SVIL: variants seen among roughly 807,000 people sequenced by gnomAD.
The protein encoded by SVIL is supervillin.
A neutral mutation model predicts 240.4 loss-of-function variants in SVIL; 101 were observed. The ratio of observed to expected loss-of-function variants is 0.42; its 90% CI spans 0.36 to 0.50. The LOEUF is 0.50. Among genes scored for constraint, SVIL ranks in the 20% least tolerant of loss-of-function variants. The pLI, the probability that SVIL is intolerant of heterozygous loss-of-function variation, is 0.01. For synonymous variants in SVIL, 999 were observed against 1,100.0 expected (o/e 0.91, Z 1.82); for missense variants, 2,512 against 2,818.7 (o/e 0.89, Z 2.46).
chr10:29,505,268 G>A (rs1409669303), intron 17 of SVIL, among the ~76,000 whole-genome samples: 3 of 152,152 alleles, frequency 2.0e-5, no homozygotes, highest in Non-Finnish European at 2.9e-5. Flanking sequence ...GGAGGTTGCG[G>A]TGAGCTAAGA....
intron 6 of SVIL, among the ~76,000 whole-genome samples, chr10:29,540,194 G>C (rs10826653): frequency 0.49 from 73,930 of 151,858 alleles, 18,074 homozygotes; most frequent in Admixed American, 0.55. Flanking sequence ...TATCAAGTAG[G>C]GCAAACCCCA....
At chr10:29,711,738 T>A (rs1172689776) in intron 1 of SVIL, among the ~76,000 whole-genome samples, 1 of 150,634 alleles carries the variant, frequency 6.6e-6, no homozygotes, top group African/African-American at 2.4e-5. Flanking sequence ...CCAGCCTGGG[T>A]GACACAAAGT....
chr10:29,524,491 G>A lies in SVIL; in HGVS notation c.2567C>T (p.Thr856Ile). The change falls in exon 14 of 38, where the codon ACA becomes ATA. Residue 856 changes from threonine to isoleucine, a missense_variant. Thr to Ile is a moderately conservative substitution (Grantham distance 89). Around this residue, in one of 3 missense-constraint regions of SVIL, gnomAD observed 1,443 missense variants for 1,486.6 expected, o/e 0.97. Transcript: ENST00000355867. ...MNARYQTQPV[T>I]LGEVEQVQSG... ...ACCCACCTGCTCCACCTCTCCCAGT[G>A]TGACTGGCTGAGTTTGATAGCGAGC... 6.2e-7 allele frequency: 1 copy of A among 1,614,180 alleles called. No homozygotes were observed. Among genetic ancestry groups the A allele is most frequent in the East Asian group, 2.2e-5 (1 of 44,868 alleles).
chr10:29,709,691 T>C (rs1963144098), intron 1 of SVIL, among the ~76,000 whole-genome samples: 1 of 152,188 alleles, frequency 6.6e-6, no homozygotes, highest in South Asian at 2.1e-4. Flanking sequence ...GGCAGCACCC[T>C]GCAGGTGGTT....
At chr10:29,608,851 C>T (rs1291665108) in intron 1 of SVIL, among the ~76,000 whole-genome samples, 1 of 152,212 alleles carries the variant, frequency 6.6e-6, no homozygotes, top group Non-Finnish European at 1.5e-5. Context: ...ACCTTTAAGC[C>T]AGGGATGGCC....
chr10:29,509,358 A>AGAGAGAGAGGAG (rs1554828022), intron 17 of SVIL, among the ~76,000 whole-genome samples: 1 of 128,764 alleles, frequency 7.8e-6, no homozygotes, highest in Non-Finnish European at 1.7e-5. Flanking sequence ...AGAGAGAGAG[A>AGAGAGAGAGGAG]GAGAGAGAGA....
chr10:29,717,232 CAAAAAAAAAAA>C (rs71023503), intron 1 of SVIL, among the ~76,000 whole-genome samples: 46 of 38,326 alleles, frequency 1.2e-3, no homozygotes, highest in African/African-American at 3.4e-3. Context: ...GACTCTCTCT[CAAAAAAAAAAA>C]AAAAAAAAAA....
chr10:29,476,924 A>G (rs1247577657), intron 29 of SVIL, among the ~76,000 whole-genome samples: 1 of 152,060 alleles, frequency 6.6e-6, no homozygotes, highest in Non-Finnish European at 1.5e-5. Context: ...GTGCAGTGAC[A>G]TGATCTTGGC....
At chr10:29,605,625 G>A (rs1434221259) in intron 1 of SVIL, among the ~76,000 whole-genome samples, 1 of 150,434 alleles carries the variant, frequency 6.6e-6, no homozygotes, top group East Asian at 1.9e-4. Context: ...TGTTTGTGAT[G>A]TGAGTGGCAA....
intron 32 of SVIL, among the ~76,000 whole-genome samples, chr10:29,468,401 A>G (rs1305551194): frequency 6.6e-6 from 1 of 152,154 alleles, no homozygotes; most frequent in Non-Finnish European, 1.5e-5. Flanking sequence ...CACTATGACT[A>G]ATATGGCTAT....
At chr10:29,617,268 A>G (rs182157352) in intron 1 of SVIL, among the ~76,000 whole-genome samples, 10 of 152,306 alleles carry the variant, frequency 6.6e-5, no homozygotes, top group African/African-American at 2.4e-4. Context: ...TAACATTTGT[A>G]TTCTTTTCTG....
intron 1 of SVIL, among the ~76,000 whole-genome samples, chr10:29,631,016 A>G (rs1417254717): frequency 5.9e-5 from 9 of 152,162 alleles, no homozygotes; most frequent in Admixed American, 5.9e-4. Context: ...CTGCAGCCCT[A>G]GAGTACAGGC....
At chr10:29,597,116 TAA>T (rs1398571062) in intron 1 of SVIL, among the ~76,000 whole-genome samples, 2 of 152,102 alleles carry the variant, frequency 1.3e-5, no homozygotes, top group African/African-American at 2.4e-5. Flanking sequence ...CTGTTAACAT[TAA>T]AAGTGTTAAC....
intron 2 of SVIL, among the ~76,000 whole-genome samples, chr10:29,676,283 A>C (rs766191116): frequency 3.4e-4 from 51 of 152,160 alleles, no homozygotes; most frequent in Non-Finnish European, 6.3e-4. Context: ...CAGGATCAAG[A>C]CCGAACCACT....
At chr10:29,551,779 T>C (rs1953364217) in intron 5 of SVIL, among the ~76,000 whole-genome samples, 1 of 136,232 alleles carries the variant, frequency 7.3e-6, no homozygotes, top group Non-Finnish European at 1.6e-5. Context: ...AGAAGTGTTT[T>C]TTTTCCCCAG....
At chr10:29,699,308 G>T (rs1962323999) in intron 1 of SVIL, among the ~76,000 whole-genome samples, 2 of 151,612 alleles carry the variant, frequency 1.3e-5, no homozygotes. Flanking sequence ...TTGTTTGCTT[G>T]TGTTTTGTTT....
intron 3 of SVIL, among the ~76,000 whole-genome samples, chr10:29,561,561 C>A (rs1954471419): frequency 6.6e-6 from 1 of 151,950 alleles, no homozygotes; most frequent in Admixed American, 6.6e-5. Flanking sequence ...AGGTATTAAG[C>A]ACTTTAGTTT....
chr10:29,566,883 G>A (rs1180417538), intron 2 of SVIL, among the ~76,000 whole-genome samples: 2 of 152,184 alleles, frequency 1.3e-5, no homozygotes, highest in Non-Finnish European at 2.9e-5. Context: ...ACAAAGGGGT[G>A]TCTGCAGGGT....
intron 1 of SVIL, among the ~76,000 whole-genome samples, chr10:29,720,908 G>A (rs7914457): frequency 0.62 from 93,527 of 151,672 alleles, 29,182 homozygotes; most frequent in Non-Finnish European, 0.67. Flanking sequence ...GTGTAGTGGT[G>A]TGATCTCGTC....
Sources: allele counts gnomAD v4.1 joint callset (sites outside exome capture counted in the v4.1 genomes callset), GRCh38; gene constraint gnomAD v4.1.1; regional missense constraint gnomAD v4.1.1; transcripts MANE v1.5; gene names NCBI Gene and HGNC (gene_info 2026-07-23, HGNC 2026-07-21).